Variants in CTNNA3 observed in about 807,000 individuals in gnomAD.
The protein encoded by CTNNA3 is catenin alpha 3.
A neutral mutation model predicts 95.7 loss-of-function variants in CTNNA3; 76 were observed. The observed-to-expected ratio is 0.79, with a 90% CI of 0.66 to 0.96. The LOEUF is 0.96. CTNNA3 is among the 40% of genes least tolerant of loss of function. CTNNA3 has a pLI of 0.00. For synonymous variants in CTNNA3, 431 were observed against 374.4 expected, an observed-to-expected ratio of 1.15 and a Z score of -1.74; for missense variants, 1,191 against 1,089.8, an observed-to-expected ratio of 1.09 and a Z score of -1.31.
intron 7 of CTNNA3, among the ~76,000 whole-genome samples, chr10:67,154,069 A>C (rs1861194279): frequency 6.6e-6 from 1 of 152,140 alleles, no homozygotes; most frequent in African/African-American, 2.4e-5. Context: ...TTTGTTTTAC[A>C]AACTATATCC....
At chr10:66,667,312 C>G (rs1055843632) in intron 9 of CTNNA3, among the ~76,000 whole-genome samples, 7 of 83,514 alleles carry the variant, frequency 8.4e-5, no homozygotes, top group Non-Finnish European at 1.3e-4. Flanking sequence ...GTAATACATT[C>G]ATTATTTTCT....
At chr10:67,614,424 T>G (rs182498935) in intron 2 of CTNNA3, among the ~76,000 whole-genome samples, 1 of 152,298 alleles carries the variant, frequency 6.6e-6, no homozygotes, top group Non-Finnish European at 1.5e-5. Flanking sequence ...GTGGGAGCCT[T>G]GAGCTTGTTT....
At chr10:66,476,425 T>C (rs1839329214) in intron 11 of CTNNA3, among the ~76,000 whole-genome samples, 1 of 152,110 alleles carries the variant, frequency 6.6e-6, no homozygotes, top group Admixed American at 6.6e-5. Flanking sequence ...TTCAATAGTA[T>C]ATTTTATTAC....
intron 5 of CTNNA3, among the ~76,000 whole-genome samples, chr10:67,292,337 G>C (rs542362710): frequency 6.6e-6 from 1 of 152,150 alleles, no homozygotes; most frequent in Non-Finnish European, 1.5e-5. Flanking sequence ...ATGGGGCTGA[G>C]AGACAGGAGG....
At chr10:66,405,032 A>G (rs1490752422) in intron 11 of CTNNA3, among the ~76,000 whole-genome samples, 1 of 152,154 alleles carries the variant, frequency 6.6e-6, no homozygotes, top group Non-Finnish European at 1.5e-5. Context: ...GGCCAGGGTG[A>G]GTTTGGTAGG....
chr10:66,527,071 A>T (rs1156873344), intron 10 of CTNNA3, among the ~76,000 whole-genome samples: 2 of 152,086 alleles, frequency 1.3e-5, no homozygotes, highest in African/African-American at 4.8e-5. Context: ...CACTATGTTT[A>T]AGTCTTTGAT....
At chr10:66,766,443 T>C in intron 8 of CTNNA3, 27 bp from the exon 9 acceptor site, 1 of 1,576,968 alleles carries the variant, frequency 6.3e-7, no homozygotes, top group Admixed American at 1.8e-5. Context: ...AATTCAGGTT[T>C]TTTTTTTCCA....
chr10:66,897,551 A>G (rs1285290034), intron 7 of CTNNA3, among the ~76,000 whole-genome samples: 2 of 152,182 alleles, frequency 1.3e-5, no homozygotes, highest in Non-Finnish European at 2.9e-5. Flanking sequence ...AAAAGGCAAA[A>G]ACCAATAACT....
At chr10:67,062,423 C>T (rs1435769924) in intron 7 of CTNNA3, among the ~76,000 whole-genome samples, 1 of 152,164 alleles carries the variant, frequency 6.6e-6, no homozygotes, top group African/African-American at 2.4e-5. Flanking sequence ...CATGCTTTAG[C>T]ATTATCTCTT....
At chr10:66,488,452 A>G (rs1026205826) in intron 11 of CTNNA3, among the ~76,000 whole-genome samples, 3 of 152,224 alleles carry the variant, frequency 2.0e-5, no homozygotes, top group East Asian at 1.9e-4. Flanking sequence ...AATTTCACCA[A>G]TGAAAACCCA....
chr10:66,520,437 A>G (rs1366840527), intron 11 of CTNNA3, among the ~76,000 whole-genome samples, 180 bp downstream of exon 11: 3 of 151,276 alleles, frequency 2.0e-5, no homozygotes, highest in Non-Finnish European at 4.4e-5. Context: ...TTTTTAGTAG[A>G]GCGGGGGTTT....
chr10:66,129,746 T>C (rs2082998891), intron 13 of CTNNA3, among the ~76,000 whole-genome samples: 1 of 151,800 alleles, frequency 6.6e-6, no homozygotes, highest in South Asian at 2.1e-4. Flanking sequence ...TCCTGCAGAG[T>C]GGCCCCCAAG....
chr10:66,165,311 G>C (rs2085069144), intron 13 of CTNNA3, among the ~76,000 whole-genome samples: 1 of 152,114 alleles, frequency 6.6e-6, no homozygotes, highest in Admixed American at 6.6e-5. Flanking sequence ...AGTGAAGGGG[G>C]TGGAGGAAGA....
chr10:66,331,682 C>T (rs1465605208), intron 12 of CTNNA3, among the ~76,000 whole-genome samples: 1 of 151,958 alleles, frequency 6.6e-6, no homozygotes, highest in African/African-American at 2.4e-5. Flanking sequence ...GGTACCAGTA[C>T]CATGCTGTTT....
intron 7 of CTNNA3, among the ~76,000 whole-genome samples, chr10:66,908,026 G>A (rs1253318572): frequency 3.3e-5 from 5 of 152,072 alleles, no homozygotes; most frequent in Non-Finnish European, 7.4e-5. Context: ...AGCACATCTG[G>A]GAATTGTCTA....
chr10:66,088,376 A>G (rs2081067299), intron 14 of CTNNA3, among the ~76,000 whole-genome samples: 1 of 151,764 alleles, frequency 6.6e-6, no homozygotes, highest in African/African-American at 2.4e-5. Context: ...TATAATATAG[A>G]TTTGTCACAT....
chr10:67,672,676 G>A (rs1840460409), intron 1 of CTNNA3, among the ~76,000 whole-genome samples: 1 of 152,268 alleles, frequency 6.6e-6, no homozygotes, highest in South Asian at 2.1e-4. Flanking sequence ...TTGTAGATAT[G>A]AGGCATTATT....
In CTNNA3 at chr10:66,149,863, A is replaced by G. The variant is rs554286839; in HGVS notation, c.1885-46614T>C. ...TTATTATAGCAAAAAAAATTAAACC[A>G]TAAAAGTATCAGGCCCTTGTATTTA... On this transcript the variant is annotated intron_variant, in intron 13 of 17. Transcript: ENST00000433211. 5.1e-4 allele frequency among the ~76,000 whole-genome samples: 77 copies of G among 152,262 alleles called. 1 individual carries two copies. In the South Asian group the frequency reaches 6.4e-3, roughly 13 times the overall value.
rs529665467 is a variant in CTNNA3 at position 66,225,563 on chromosome 10, A to T, written c.1884+54907T>A. ...ATGGGGATACATATATCTTTCTGATACACTTACTTTATTTCCTTTGGGTAA... is the reference window on the plus strand; with the variant it reads ...ATGGGGATACATATATCTTTCTGATTCACTTACTTTATTTCCTTTGGGTAA... On this transcript the variant is annotated intron_variant, in intron 13 of 17. Coordinates refer to ENST00000433211, the MANE Select transcript of CTNNA3 (RefSeq NM_013266.4). Among the ~76,000 whole-genome samples, 310 of 151,502 alleles carry T rather than the reference A, an allele frequency of 2.0e-3. 2 individuals are homozygous for T. The highest frequency in any genetic ancestry group is 7.3e-3 in the African/African-American group (302 of 41,420).
Sources: gnomAD v4.1 joint callset for allele counts (sites outside exome capture counted in the v4.1 genomes callset) on GRCh38, gnomAD v4.1.1 for gene constraint, MANE v1.5 for transcripts, NCBI Gene and HGNC (gene_info 2026-07-23, HGNC 2026-07-21) for gene names.